Variants in CADPS2 observed in about 807,000 individuals in gnomAD.
CADPS2 encodes calcium-dependent secretion activator 2.
A neutral mutation model predicts 172.5 loss-of-function variants in CADPS2; 93 were observed. That is an observed-to-expected ratio of 0.54 (90% CI 0.46 to 0.64). CADPS2 has a LOEUF of 0.64. Ranked by LOEUF, CADPS2 falls within the 30% of genes least tolerant of loss-of-function variation. The pLI, the probability that CADPS2 is intolerant of heterozygous loss-of-function variation, is 0.00. For synonymous variants in CADPS2, 546 were observed against 555.2 expected (o/e 0.98, Z 0.23); for missense variants, 1,420 against 1,565.9 (o/e 0.91, Z 1.57).
rs1334912773 is a variant in CADPS2 at position 122,471,575 on chromosome 7, A to G, written c.1999-13T>C. On this transcript the variant is annotated splice_polypyrimidine_tract_variant and intron_variant, in intron 13 of 29. Coordinates refer to ENST00000449022, the MANE Select transcript of CADPS2 (RefSeq NM_017954.11). ...GGCTAAACCATCCCTGCAAAATAAA[A>G]AAAGAATAGATATACATGTTTTTTC... 6.5e-7 allele frequency: 1 copy of G among 1,548,214 alleles called. No homozygotes were observed. Among genetic ancestry groups the G allele is most frequent in the African/African-American group, 1.4e-5 (1 of 72,480 alleles).
At chr7:122,641,701 AG>A (rs2077663886) in intron 3 of CADPS2, among the ~76,000 whole-genome samples, 4 of 152,142 alleles carry the variant, frequency 2.6e-5, no homozygotes, top group Admixed American at 2.0e-4. Context: ...TTCTTTGTAA[AG>A]GAACACTAAA....
intron 27 of CADPS2, 148 bp from the exon 28 acceptor site, chr7:122,345,829 A>G: frequency 3.7e-6 from 2 of 534,642 alleles, no homozygotes; most frequent in Non-Finnish European, 3.3e-6. Context: ...TCTTCAATAC[A>G]TTCCATAATT....
intron 25 of CADPS2, among the ~76,000 whole-genome samples, chr7:122,370,806 T>C (rs564430552): frequency 1.3e-5 from 2 of 152,168 alleles, no homozygotes; most frequent in South Asian, 4.2e-4. Flanking sequence ...ATGAAACCAA[T>C]AGAACTTTGG....
At chr7:122,784,257 T>G (rs1439424125) in intron 1 of CADPS2, among the ~76,000 whole-genome samples, 1 of 152,234 alleles carries the variant, frequency 6.6e-6, no homozygotes, top group Non-Finnish European at 1.5e-5. Flanking sequence ...TACTTCTCTA[T>G]TCACCATTCC....
intron 1 of CADPS2, among the ~76,000 whole-genome samples, chr7:122,822,824 C>CAAA (rs1803751574): frequency 6.6e-6 from 1 of 151,102 alleles, no homozygotes; most frequent in Admixed American, 6.6e-5. Flanking sequence ...CGCCAGAGAA[C>CAAA]CCCCCTTTGA....
In CADPS2 at chr7:122,886,259, C is replaced by T. The variant is rs1473882802; in HGVS notation, c.79G>A (p.Gly27Ser). ...GCTGGAGGAGCTCGCTGCGAGCTGC[C>T]GGCTGCCACCAGCACATCGCGGCTT... ...EESRDVLVAA[G>S]SSQRAPPAPT... Residue 27 changes from glycine (G) to serine (S), a missense_variant, in exon 1 of 30, where the codon GGC becomes AGC. Transcript: ENST00000449022. 9.3e-6 allele frequency: 14 copies of T among 1,499,626 alleles called. No homozygotes were observed. The highest frequency in any genetic ancestry group is 9.1e-5 in the Admixed American group (4 of 43,996). The allele number at this position is 1,499,626 out of a possible 1,614,324, so 92.9% of individuals were successfully genotyped here.
intron 1 of CADPS2, among the ~76,000 whole-genome samples, chr7:122,795,820 C>G (rs1796256999): frequency 1.3e-5 from 2 of 152,142 alleles, no homozygotes; most frequent in Admixed American, 1.3e-4. Context: ...TGCCCTCTCT[C>G]ACCACTCCTA....
intron 7 of CADPS2, among the ~76,000 whole-genome samples, chr7:122,575,275 G>A (rs1209034398): frequency 6.6e-6 from 1 of 151,854 alleles, no homozygotes; most frequent in Non-Finnish European, 1.5e-5. Context: ...CCTAGACTGG[G>A]GGAGAATACC....
chr7:122,760,103 C>T (rs2093327303), intron 1 of CADPS2, among the ~76,000 whole-genome samples: 1 of 151,762 alleles, frequency 6.6e-6, no homozygotes, highest in Non-Finnish European at 1.5e-5. Context: ...TTATACATTT[C>T]ATACACATAG....
chr7:122,602,637 G>A (rs1324496906), intron 6 of CADPS2, among the ~76,000 whole-genome samples: 1 of 151,938 alleles, frequency 6.6e-6, no homozygotes, highest in East Asian at 1.9e-4. Flanking sequence ...AGACAGTATG[G>A]CATTTTTGGC....
intron 17 of CADPS2, among the ~76,000 whole-genome samples, chr7:122,434,701 A>G (rs908338676): frequency 1.3e-5 from 2 of 152,222 alleles, no homozygotes; most frequent in Non-Finnish European, 2.9e-5. Context: ...GGATGCAAGA[A>G]AAAAATAATA....
chr7:122,319,863 A>T lies in CADPS2; in HGVS notation c.*302T>A, dbSNP rs530485172. On this transcript the variant is annotated 3_prime_UTR_variant, in exon 30 of 30. Coordinates refer to ENST00000449022, the MANE Select transcript of CADPS2 (RefSeq NM_017954.11). ...ACAGAAAAATGCTCAAATCTTCTTT[A>T]AAAAAAAAAGTTCATGTTCTGATCA... 6 of 222,790 alleles carry T rather than the reference A, an allele frequency of 2.7e-5. No homozygotes were observed. The highest frequency in any genetic ancestry group is 1.5e-3 in the Middle Eastern group (1 of 684). The allele number at this position is 222,790 out of a possible 1,614,324, so 13.8% of individuals were successfully genotyped here.
intron 2 of CADPS2, among the ~76,000 whole-genome samples, chr7:122,732,300 C>CAAT (rs1478722178): frequency 2.6e-5 from 4 of 151,142 alleles, no homozygotes; most frequent in African/African-American, 9.7e-5. Context: ...AACCGAATAT[C>CAAT]TGAAGGTACA....
intron 12 of CADPS2, among the ~76,000 whole-genome samples, 199 bp downstream of exon 12, chr7:122,480,653 G>A (rs2057179758): frequency 6.6e-6 from 1 of 152,064 alleles, no homozygotes; most frequent in South Asian, 2.1e-4. Flanking sequence ...TGTATGAATG[G>A]TAGATATTAG....
chr7:122,623,716 G>A (rs2075817168), intron 4 of CADPS2, among the ~76,000 whole-genome samples: 1 of 152,046 alleles, frequency 6.6e-6, no homozygotes, highest in Non-Finnish European at 1.5e-5. Context: ...TAACTTGTTT[G>A]CTTATTAATT....
At chr7:122,834,625 A>C (rs1807713081) in intron 1 of CADPS2, among the ~76,000 whole-genome samples, 1 of 152,214 alleles carries the variant, frequency 6.6e-6, no homozygotes, top group African/African-American at 2.4e-5. Context: ...CAAACAGCAT[A>C]CCAGGAGATT....
chr7:122,669,356 T>TG lies in CADPS2; in HGVS notation c.454-5788_454-5787insC, dbSNP rs71161320. On this transcript the variant is annotated intron_variant, in intron 2 of 29. Transcript: ENST00000449022. ...AAGAAAAAATATATATATATATATA[T>TG]TTTTTTTTTTTGAGAAAAAGTAATT... Among the ~76,000 whole-genome samples, 66 of 115,048 alleles carry TG rather than the reference T, an allele frequency of 5.7e-4. 1 individual carries two copies. Among genetic ancestry groups the TG allele is most frequent in the Non-Finnish European group, 2.0e-4 (11 of 55,690 alleles). The allele number at this position is 115,048 out of a possible 152,430, so 75.5% of individuals were successfully genotyped here.
At chr7:122,797,906 G>T (rs977310146) in intron 1 of CADPS2, among the ~76,000 whole-genome samples, 4 of 151,820 alleles carry the variant, frequency 2.6e-5, no homozygotes, top group Non-Finnish European at 5.9e-5. Flanking sequence ...TCATATGAAT[G>T]TATGATTTTA....
In CADPS2 at chr7:122,388,743, A is replaced by G; in HGVS notation, c.3009-5T>C. On this transcript the variant is annotated splice_polypyrimidine_tract_variant and splice_region_variant and intron_variant, in intron 22 of 29. Coordinates refer to ENST00000449022, the MANE Select transcript of CADPS2 (RefSeq NM_017954.11). ...TCTGATGTTGCTGAGCCATTGCTAG[A>G]AGAAAAAGGAAAAATGAACATCATG... 1.9e-6 allele frequency: 3 copies of G among 1,593,340 alleles called. No homozygotes were observed. The highest frequency in any genetic ancestry group is 2.2e-5 in the South Asian group (2 of 89,000).
Sources: allele counts gnomAD v4.1 joint callset (sites outside exome capture counted in the v4.1 genomes callset), GRCh38; gene constraint gnomAD v4.1.1; transcripts MANE v1.5; gene names NCBI Gene and HGNC (gene_info 2026-07-23, HGNC 2026-07-21).